The following ADAMDEC1 variants were observed in gnomAD, a reference collection of about 807,000 sequenced individuals.
ADAMDEC1 encodes the protein ADAM like decysin 1.
Under a neutral mutation model 60.4 loss-of-function variants are expected in ADAMDEC1, and 62 were observed. The observed-to-expected ratio is 1.03, with a 90% CI of 0.84 to 1.27. ADAMDEC1 has a LOEUF of 1.27. ADAMDEC1 is among the 50% of genes most tolerant of loss of function. The probability of loss-of-function intolerance (pLI) is 0.00; values close to 1 mark genes in which losing one functional copy is unlikely to be tolerated. For synonymous variants in ADAMDEC1, 210 were observed against 195.1 expected (o/e 1.08, Z -0.64); for missense variants, 595 against 565.0 (o/e 1.05, Z -0.54).
Position 24,397,753 on chromosome 8 carries a change from T to G in ADAMDEC1, c.690+8T>G. ...GTGCTGGATAATGCCTTTGTGAGTA[T>G]GAAACACACGGCCCTCTCGGCCAGT... On this transcript the variant is annotated splice_region_variant and intron_variant, in intron 7 of 13. Coordinates refer to ENST00000256412, the MANE Select transcript of ADAMDEC1 (RefSeq NM_014479.3). The G allele has an allele frequency of 1.9e-6, 3 of 1,611,778 alleles. No homozygotes were observed. The highest frequency in any genetic ancestry group is 2.5e-6 in the Non-Finnish European group (3 of 1,179,030).
At chr8:24,392,885 GGTTTTT>G (rs1443743994) in intron 2 of ADAMDEC1, among the ~76,000 whole-genome samples, 1,116 of 85,922 alleles carry the variant, frequency 0.013, 15 homozygotes, top group African/African-American at 0.037. Context: ...TGGGTTGAGA[GGTTTTT>G]TTTTTTTTTT....
Position 24,394,338 on chromosome 8 carries a change from A to G in ADAMDEC1, c.363+191A>G, listed in dbSNP as rs1817550295. ...GATCAATGAGACAACAGTTTGGAAA[A>G]TCACATTCAGCTTTTAAAACATAGG... On this transcript the variant is annotated intron_variant, in intron 4 of 13. Coordinates refer to ENST00000256412, the MANE Select transcript of ADAMDEC1 (RefSeq NM_014479.3). Among the ~76,000 whole-genome samples the G allele has an allele frequency of 2.0e-5, 3 of 152,214 alleles. No homozygotes were observed. The South Asian group carries it at 6.2e-4, about 32-fold the overall frequency.
chr8:24,400,115 A>G, intron 10 of ADAMDEC1, 55 bp from the exon 11 acceptor site: 1 of 1,398,806 alleles, frequency 7.1e-7, no homozygotes, highest in Non-Finnish European at 9.5e-7. Context: ...AAAGTACTGC[A>G]CATTGGCAAC....
At chr8:24,404,486 T>C (rs1173539034) in intron 13 of ADAMDEC1, among the ~76,000 whole-genome samples, 2 of 152,198 alleles carry the variant, frequency 1.3e-5, no homozygotes, top group Non-Finnish European at 2.9e-5. Context: ...AGAAAATCAA[T>C]AGCATTTAAG....
chr8:24,400,891 G>T (rs1365368204), intron 11 of ADAMDEC1, among the ~76,000 whole-genome samples: 1 of 149,390 alleles, frequency 6.7e-6, no homozygotes, highest in East Asian at 2.0e-4. Flanking sequence ...GCGGTGTTTG[G>T]TTTTTTGTCC....
At chr8:24,402,810 G>C (rs1047454217) in intron 12 of ADAMDEC1, among the ~76,000 whole-genome samples, 5 of 152,100 alleles carry the variant, frequency 3.3e-5, no homozygotes, top group African/African-American at 1.2e-4. Context: ...ATTTTAGCTG[G>C]TTAGATTAGA....
intron 3 of ADAMDEC1, among the ~76,000 whole-genome samples, 200 bp from the exon 4 acceptor site, chr8:24,393,869 T>G (rs1253883469): frequency 2.6e-5 from 4 of 152,212 alleles, no homozygotes; most frequent in Admixed American, 2.6e-4. Context: ...ATGAGGGGAC[T>G]TCCTCCCTCG....
chr8:24,391,464 GTTA>G (rs1817443475), intron 1 of ADAMDEC1, among the ~76,000 whole-genome samples: 1 of 152,130 alleles, frequency 6.6e-6, no homozygotes. Context: ...CTTCTACGAG[GTTA>G]TTTAGCTAGG....
At position 24,405,697 on chromosome 8, in the gene ADAMDEC1, C is replaced by A; in HGVS notation, c.*399C>A. On this transcript the variant is annotated 3_prime_UTR_variant, in exon 14 of 14. Transcript: ENST00000256412. ...GCTTCTTTCATCTTACTAGTATGGC[C>A]TATAAAAAAAATAATACCACTTGAT... is the stretch of plus-strand genomic sequence containing the variant. 1 of 162,616 alleles carries A rather than the reference C, an allele frequency of 6.1e-6. No individual in the cohort carries two copies. The highest frequency in any genetic ancestry group is 1.3e-5 in the Non-Finnish European group (1 of 75,722). The allele number at this position is 162,616 out of a possible 1,614,324, so 10.1% of individuals were successfully genotyped here. A position where few individuals can be genotyped will look rare whatever the true frequency, so the allele number is the denominator to read the frequency against.
At chr8:24,403,437 A>T (rs1817815228) in intron 12 of ADAMDEC1, among the ~76,000 whole-genome samples, 1 of 152,028 alleles carries the variant, frequency 6.6e-6, no homozygotes, top group Non-Finnish European at 1.5e-5. Flanking sequence ...TAAAGATTGT[A>T]ACTTGACAAT....
At chr8:24,404,207 A>C in intron 13 of ADAMDEC1, 119 bp downstream of exon 13, 1 of 857,278 alleles carries the variant, frequency 1.2e-6, no homozygotes, top group Non-Finnish European at 1.8e-6. Context: ...TATTTTTCAA[A>C]CGACTCAATT....
At chr8:24,402,825 A>G (rs1232738151) in intron 12 of ADAMDEC1, among the ~76,000 whole-genome samples, 1 of 152,180 alleles carries the variant, frequency 6.6e-6, no homozygotes, top group Admixed American at 6.6e-5. Context: ...ATTAGATCAG[A>G]AGACTACACA....
At chr8:24,388,734 A>C (rs1274728944) in intron 1 of ADAMDEC1, among the ~76,000 whole-genome samples, 1 of 152,182 alleles carries the variant, frequency 6.6e-6, no homozygotes, top group Non-Finnish European at 1.5e-5. Context: ...TCCACACTAA[A>C]ATGTACACTT....
chr8:24,392,658 C>T (rs541751680), intron 2 of ADAMDEC1, among the ~76,000 whole-genome samples: 1 of 152,104 alleles, frequency 6.6e-6, no homozygotes, highest in Non-Finnish European at 1.5e-5. Context: ...CCGGGAAGGT[C>T]GGCCATCTTT....
intron 11 of ADAMDEC1, among the ~76,000 whole-genome samples, chr8:24,401,535 C>A (rs1817765737): frequency 6.6e-6 from 1 of 152,160 alleles, no homozygotes; most frequent in Admixed American, 6.6e-5. Flanking sequence ...CCTGCAACTA[C>A]TTCCCTTCAC....
chr8:24,384,515 G>A lies in ADAMDEC1; in HGVS notation c.11G>A (p.Gly4Glu), dbSNP rs778034086. 91 of 1,607,604 alleles carry A rather than the reference G, an allele frequency of 5.7e-5. No individual in the cohort carries two copies. The highest frequency in any genetic ancestry group is 7.3e-5 in the Non-Finnish European group (86 of 1,176,806). ...GGAGACCACAACTTCATGCTGCGTG[G>A]GATCTCCCAGCTACCTGCAGTGGCC... is the stretch of plus-strand genomic sequence containing the variant. MLRGISQLPAVATM... is the reference protein window; with the variant it reads MLREISQLPAVATM... Residue 4 changes from glycine to glutamate, a missense_variant, in exon 1 of 14, where the codon GGG (glycine) becomes GAG (glutamate). Coordinates refer to ENST00000256412, the MANE Select transcript of ADAMDEC1 (RefSeq NM_014479.3).
chr8:24,397,189 G>T, intron 5 of ADAMDEC1, 81 bp from the exon 6 acceptor site: 1 of 1,326,816 alleles, frequency 7.5e-7, no homozygotes, highest in Non-Finnish European at 1.0e-6. Context: ...GGGATGGAGG[G>T]GCAGACATCA....
intron 1 of ADAMDEC1, among the ~76,000 whole-genome samples, chr8:24,391,360 T>G (rs1817440323): frequency 6.6e-6 from 1 of 152,186 alleles, no homozygotes; most frequent in South Asian, 2.1e-4. Flanking sequence ...GCCATCTTCC[T>G]AATAGGGTAC....
intron 12 of ADAMDEC1, 42 bp downstream of exon 12, chr8:24,402,134 T>C: frequency 6.7e-7 from 1 of 1,488,142 alleles, no homozygotes; most frequent in Non-Finnish European, 9.0e-7. Flanking sequence ...AATTATGCAG[T>C]TTTCTTTTTG....
Sources: allele counts gnomAD v4.1 joint callset (sites outside exome capture counted in the v4.1 genomes callset), GRCh38; gene constraint gnomAD v4.1.1; transcripts MANE v1.5; gene names NCBI Gene and HGNC (gene_info 2026-07-23, HGNC 2026-07-21).